Variants in PRKN observed in about 807,000 individuals in gnomAD.
The protein encoded by PRKN is parkin RBR E3 ubiquitin protein ligase, also known as E3 ubiquitin-protein ligase parkin.
PRKN carries 56 observed loss-of-function variants against 59.5 expected under a neutral mutation model. The ratio of observed to expected loss-of-function variants is 0.94; its 90% confidence interval spans 0.76 to 1.18. The LOEUF is 1.18. PRKN is among the 50% of genes most tolerant of loss of function. PRKN has a pLI of 0.00. For missense variants in PRKN, 657 were observed against 596.4 expected (o/e 1.10, Z -1.06); for synonymous variants, 250 against 222.1 (o/e 1.13, Z -1.12).
At chr6:162,044,253 C>T (rs941641693) in intron 5 of PRKN, among the ~76,000 whole-genome samples, 1 of 152,244 alleles carries the variant, frequency 6.6e-6, no homozygotes, top group Admixed American at 6.5e-5. Flanking sequence ...CTTCAACATG[C>T]TGAGATTACG....
At chr6:162,249,383 T>A (rs1213609100) in intron 3 of PRKN, among the ~76,000 whole-genome samples, 1 of 152,192 alleles carries the variant, frequency 6.6e-6, no homozygotes, top group African/African-American at 2.4e-5. Context: ...GAATTATATA[T>A]GAGAATAAAT....
At chr6:162,716,697 T>C (rs932751844) in intron 1 of PRKN, among the ~76,000 whole-genome samples, 1 of 147,930 alleles carries the variant, frequency 6.8e-6, no homozygotes, top group Admixed American at 6.8e-5. Flanking sequence ...GAAAACTACC[T>C]TGAAAAGTGA....
intron 7 of PRKN, among the ~76,000 whole-genome samples, chr6:161,684,936 A>G (rs927873244): frequency 6.6e-6 from 1 of 152,196 alleles, no homozygotes; most frequent in African/African-American, 2.4e-5. Context: ...AGTTGTGTTA[A>G]AATTCCTAGA....
At chr6:162,119,840 T>C (rs1344697248) in intron 4 of PRKN, among the ~76,000 whole-genome samples, 1 of 152,182 alleles carries the variant, frequency 6.6e-6, no homozygotes, top group Admixed American at 6.5e-5. Context: ...TCCAATATCT[T>C]GCCAATCACT....
At chr6:162,483,846 A>G (rs1265232199) in intron 1 of PRKN, among the ~76,000 whole-genome samples, 1 of 152,226 alleles carries the variant, frequency 6.6e-6, no homozygotes, top group Non-Finnish European at 1.5e-5. Context: ...AAGATTGCTT[A>G]TAACAGCTAA....
At position 161,564,847 on chromosome 6, in the gene PRKN, G is replaced by A. The variant is rs1258333830; in HGVS notation, c.933+4508C>T. Among the ~76,000 whole-genome samples, 6 of 152,050 alleles carry A rather than the reference G, an allele frequency of 3.9e-5. No individual in the cohort carries two copies. The East Asian group carries it at 7.7e-4, about 20-fold the overall frequency. On this transcript the variant is annotated intron_variant, in intron 8 of 11. Transcript: ENST00000366898. The stretch of plus-strand genomic sequence containing the variant: ...CAATTCCATGACCTCAACTTCTCTC[G>A]TCACCTTGTCCTCCATCTGAAATCA...
intron 1 of PRKN, among the ~76,000 whole-genome samples, chr6:162,530,735 C>T (rs778872852): frequency 3.9e-5 from 6 of 152,166 alleles, no homozygotes; most frequent in Admixed American, 6.6e-5. Flanking sequence ...GACAGAGACT[C>T]GCATCCTAAA....
Position 161,527,122 on chromosome 6 carries a change from A to C in PRKN, c.1083+21732T>G, listed in dbSNP as rs573018515. Among the ~76,000 whole-genome samples, 2 of 152,306 alleles carry C rather than the reference A, an allele frequency of 1.3e-5. No individual in the cohort carries two copies. The highest frequency in any genetic ancestry group is 3.9e-4 in the East Asian group (2 of 5,180). On this transcript the variant is annotated intron_variant, in intron 9 of 11. Transcript: ENST00000366898. This position sits in a 1 kb window ranked among gnomAD's most constrained non-coding sequence, Gnocchi z 4.6. Reference sequence around the variant, plus strand: ...ACCTCCAATCTTACCTCCTGTGATAAGATCTTCTCTGTTTCATGAGATTCC... The same window carrying C: ...ACCTCCAATCTTACCTCCTGTGATACGATCTTCTCTGTTTCATGAGATTCC...
At chr6:162,657,390 ATT>A (rs902905919) in intron 1 of PRKN, among the ~76,000 whole-genome samples, 123 of 152,320 alleles carry the variant, frequency 8.1e-4, no homozygotes, top group African/African-American at 2.9e-3. Context: ...CCAAATCTAT[ATT>A]AACAAACTTC....
At chr6:162,339,189 T>A (rs1273939548) in intron 2 of PRKN, among the ~76,000 whole-genome samples, 1 of 145,016 alleles carries the variant, frequency 6.9e-6, no homozygotes, top group African/African-American at 2.6e-5. Flanking sequence ...CCACCCCATC[T>A]GGGAAGTGAG....
At chr6:161,737,708 C>T (rs1788022487) in intron 7 of PRKN, among the ~76,000 whole-genome samples, 1 of 152,076 alleles carries the variant, frequency 6.6e-6, no homozygotes, top group Non-Finnish European at 1.5e-5. Context: ...AGCAAAACTG[C>T]CTAGAACAAA....
intron 7 of PRKN, among the ~76,000 whole-genome samples, chr6:161,621,500 A>G (rs1461611462): frequency 6.6e-6 from 1 of 152,024 alleles, no homozygotes; most frequent in African/African-American, 2.4e-5. Context: ...GTAAAGAGAA[A>G]CTAATTTGTT....
rs79665102 is a variant in PRKN, at chr6:161,703,635, G to A, written c.871+82137C>T. 5.1e-3 allele frequency among the ~76,000 whole-genome samples: 770 copies of A among 152,132 alleles called. 9 individuals carry two copies. Among genetic ancestry groups the A allele is most frequent in the African/African-American group, 0.018 (734 of 41,498 alleles). ...CTTAGCTCTCATGTTGACTTTTCAGGGAAATCTCCAACCACCACCTTGTTT... is the reference window on the plus strand; with the variant it reads ...CTTAGCTCTCATGTTGACTTTTCAGAGAAATCTCCAACCACCACCTTGTTT... On this transcript the variant is annotated intron_variant, in intron 7 of 11. Coordinates refer to ENST00000366898, the MANE Select transcript of PRKN (RefSeq NM_004562.3).
chr6:162,068,612 C>T (rs1778439222), intron 4 of PRKN, among the ~76,000 whole-genome samples: 2 of 152,206 alleles, frequency 1.3e-5, no homozygotes, highest in Admixed American at 6.5e-5. Flanking sequence ...TCCTGCCGTT[C>T]CTTGCCATGT....
chr6:162,048,318 G>C, intron 5 of PRKN, among the ~76,000 whole-genome samples: 1 of 151,732 alleles, frequency 6.6e-6, no homozygotes, highest in Non-Finnish European at 1.5e-5. Flanking sequence ...TTTTTTATTT[G>C]AGTAAATACC....
intron 1 of PRKN, among the ~76,000 whole-genome samples, chr6:162,608,346 G>A (rs1782005393): frequency 6.6e-6 from 1 of 152,182 alleles, no homozygotes; most frequent in Non-Finnish European, 1.5e-5. Flanking sequence ...TACCGACAAA[G>A]TCAGGACGTT....
At chr6:162,027,985 T>TA (rs924182870) in intron 5 of PRKN, among the ~76,000 whole-genome samples, 40 of 150,644 alleles carry the variant, frequency 2.7e-4, no homozygotes, top group East Asian at 1.8e-3. Context: ...ATTGCCAGGA[T>TA]AAAAAAAAAT....
chr6:162,071,598 A>AT (rs11316742), intron 4 of PRKN, among the ~76,000 whole-genome samples: 70 of 135,742 alleles, frequency 5.2e-4, no homozygotes, highest in East Asian at 1.6e-3. Context: ...ACTGAATTTA[A>AT]TTTTTTTTTT....
chr6:161,385,248 C>A lies in PRKN; in HGVS notation c.1167+1546G>T, dbSNP rs1447777328. On this transcript the variant is annotated intron_variant, in intron 10 of 11. Transcript: ENST00000366898. The surrounding 1 kb of genome is among the most constrained non-coding windows in gnomAD (Gnocchi z 4.9). ...CGGCCGGGAAATATACTTTTCAATG[C>A]ATTTTTCTAGAGAGTCTAGCAGCTG... Among the ~76,000 whole-genome samples, 2 of 152,116 alleles carry A rather than the reference C, an allele frequency of 1.3e-5. No homozygotes were observed. Among genetic ancestry groups the A allele is most frequent in the South Asian group, 2.1e-4 (1 of 4,832 alleles).
Sources: allele counts gnomAD v4.1 joint callset (sites outside exome capture counted in the v4.1 genomes callset), GRCh38; gene constraint gnomAD v4.1.1; non-coding constraint Gnocchi (gnomAD v3.1); transcripts MANE v1.5; gene names NCBI Gene and HGNC (gene_info 2026-07-23, HGNC 2026-07-21).